The following TMEM132B variants were observed in gnomAD, a reference collection of about 807,000 sequenced individuals.
TMEM132B encodes transmembrane protein 132B.
In TMEM132B, 18 loss-of-function variants were observed where a neutral mutation model predicts 90.8. The observed-to-expected ratio is 0.20, with a 90% CI of 0.14 to 0.29. The LOEUF is 0.29. Ranked by LOEUF, TMEM132B falls within the 10% of genes least tolerant of loss-of-function variation. The pLI is 1.00. For synonymous variants in TMEM132B, 504 were observed against 523.3 expected (o/e 0.96, Z 0.50); for missense variants, 1,096 against 1,326.8 (o/e 0.83, Z 2.70).
chr12:125,317,996 C>T (rs1378582248), intron 1 of TMEM132B, among the ~76,000 whole-genome samples: 1 of 152,130 alleles, frequency 6.6e-6, no homozygotes, highest in East Asian at 1.9e-4. Context: ...TATTTCCATA[C>T]AATGGGATAC....
chr12:125,386,629 C>T (rs1593116891), intron 2 of TMEM132B, among the ~76,000 whole-genome samples: 1 of 152,154 alleles, frequency 6.6e-6, no homozygotes, highest in African/African-American at 2.4e-5. Context: ...AAGGAGTGAG[C>T]AGGCTGAATA....
chr12:125,278,477 CTT>C (rs35950577), intron 1 of TMEM132B, among the ~76,000 whole-genome samples: 6,281 of 141,466 alleles, frequency 0.044, 486 homozygotes, highest in African/African-American at 0.15. Context: ...GAATCTCCAT[CTT>C]TTTTTTTTTT....
chr12:125,576,272 A>C (rs1884938734), intron 4 of TMEM132B, among the ~76,000 whole-genome samples: 1 of 151,996 alleles, frequency 6.6e-6, no homozygotes, highest in Non-Finnish European at 1.5e-5. Flanking sequence ...AATTTCATTT[A>C]TGTATTGTTC....
chr12:125,245,737 C>T lies in TMEM132B; in HGVS notation c.67+58871C>T, dbSNP rs557480888. 3.9e-5 allele frequency among the ~76,000 whole-genome samples: 6 copies of T among 152,306 alleles called. No individual in the cohort carries two copies. In the South Asian group the frequency reaches 8.3e-4, roughly 21 times the overall value. Reference sequence around the variant, plus strand: ...AACAGGCCTGGCAGCATTGGTTCTTCTGCCAGGTGGGCAGATAGCCCAGGC... The same window carrying T: ...AACAGGCCTGGCAGCATTGGTTCTTTTGCCAGGTGGGCAGATAGCCCAGGC... On this transcript the variant is annotated intron_variant, in intron 1 of 8. Coordinates refer to ENST00000682704, the MANE Select transcript of TMEM132B (RefSeq NM_001366854.1).
intron 1 of TMEM132B, among the ~76,000 whole-genome samples, chr12:125,187,423 C>G (rs548336597): frequency 4.1e-4 from 63 of 152,338 alleles, no homozygotes; most frequent in African/African-American, 1.4e-3. Flanking sequence ...CCCACCCTCG[C>G]CAAATGGCCT....
chr12:125,295,558 G>A (rs1417926530), intron 1 of TMEM132B, among the ~76,000 whole-genome samples: 1 of 152,172 alleles, frequency 6.6e-6, no homozygotes, highest in African/African-American at 2.4e-5. Flanking sequence ...GACAGAGACA[G>A]AGACAGAGAC....
In TMEM132B at chr12:125,654,182, C is replaced by T. The variant is rs1476101635; in HGVS notation, c.2724C>T (p.Ala908=). ...CGGACTTGGAGATTGGCATGTATGCCTTGCTCTGCGTCTTCTGTCTGGCCA... is the reference window on the plus strand; with the variant it reads ...CGGACTTGGAGATTGGCATGTATGCTTTGCTCTGCGTCTTCTGTCTGGCCA... ...GLTDLEIGMY[A]LLCVFCLAIL... The change falls in exon 9 of 9, where the codon GCC becomes GCT. Residue 908 remains alanine, a synonymous_variant. Coordinates refer to ENST00000682704, the MANE Select transcript of TMEM132B (RefSeq NM_001366854.1). The surrounding 1 kb of genome is among the most constrained non-coding windows in gnomAD (Gnocchi z 5.8). The T allele has an allele frequency of 2.5e-6, 4 of 1,614,126 alleles. No homozygotes were observed. The highest frequency in any genetic ancestry group is 4.5e-5 in the East Asian group (2 of 44,880).
intron 2 of TMEM132B, among the ~76,000 whole-genome samples, chr12:125,386,139 C>T (rs888768367): frequency 2.0e-5 from 3 of 152,108 alleles, no homozygotes; most frequent in South Asian, 4.1e-4. Flanking sequence ...AGGTGCTCAC[C>T]ACCACTCCTG....
chr12:125,319,448 G>C (rs571993468), intron 1 of TMEM132B, among the ~76,000 whole-genome samples: 2 of 152,200 alleles, frequency 1.3e-5, no homozygotes, highest in African/African-American at 4.8e-5. Flanking sequence ...GGTTGGTTTT[G>C]AGCCACACTG....
chr12:125,592,762 T>C (rs1187231085), intron 5 of TMEM132B, among the ~76,000 whole-genome samples: 1 of 152,196 alleles, frequency 6.6e-6, no homozygotes. Flanking sequence ...TGTGGATGTG[T>C]GCTGAATGTG....
intron 1 of TMEM132B, among the ~76,000 whole-genome samples, chr12:125,236,503 C>T (rs1333840194): frequency 6.6e-6 from 1 of 152,178 alleles, no homozygotes; most frequent in Non-Finnish European, 1.5e-5. Context: ...GGGTAGACCA[C>T]ATTCTGCTTA....
intron 3 of TMEM132B, among the ~76,000 whole-genome samples, chr12:125,472,204 G>C (rs563551032): frequency 1.5e-4 from 23 of 152,304 alleles, no homozygotes; most frequent in African/African-American, 5.5e-4. Flanking sequence ...GAAACTCCAT[G>C]GTTTATATTC....
chr12:125,564,408 T>C (rs1228984370), intron 4 of TMEM132B, among the ~76,000 whole-genome samples: 2 of 152,208 alleles, frequency 1.3e-5, no homozygotes, highest in Non-Finnish European at 2.9e-5. Flanking sequence ...TGCTCCTTGC[T>C]TCCTCCTTTC....
intron 4 of TMEM132B, among the ~76,000 whole-genome samples, chr12:125,540,531 A>T (rs1482962560): frequency 6.6e-6 from 1 of 152,220 alleles, no homozygotes; most frequent in Admixed American, 6.5e-5. Flanking sequence ...TATTACATTG[A>T]TTAATTGAAC....
intron 3 of TMEM132B, among the ~76,000 whole-genome samples, chr12:125,434,206 G>A (rs1397838051): frequency 3.3e-5 from 5 of 152,072 alleles, no homozygotes; most frequent in African/African-American, 1.2e-4. Flanking sequence ...CTGCAGCCAC[G>A]GTCACGTCTC....
intron 6 of TMEM132B, among the ~76,000 whole-genome samples, chr12:125,649,264 C>G (rs1185956913): frequency 6.6e-6 from 1 of 152,162 alleles, no homozygotes; most frequent in Non-Finnish European, 1.5e-5. Flanking sequence ...GGAGCTGTAT[C>G]CAGACCTGCT....
At chr12:125,628,916 C>T (rs576850754) in intron 5 of TMEM132B, among the ~76,000 whole-genome samples, 12 of 152,210 alleles carry the variant, frequency 7.9e-5, no homozygotes, top group African/African-American at 2.9e-4. Context: ...GCTTTTTCCC[C>T]AGTGTATGTT....
At chr12:125,252,489 C>T (rs561136344) in intron 1 of TMEM132B, among the ~76,000 whole-genome samples, 105 of 152,240 alleles carry the variant, frequency 6.9e-4, no homozygotes, top group African/African-American at 2.5e-3. Context: ...AGGTGTCGTG[C>T]GCTGGTCCAA....
chr12:125,554,443 A>G (rs1884320333), intron 4 of TMEM132B, among the ~76,000 whole-genome samples: 1 of 150,904 alleles, frequency 6.6e-6, no homozygotes, highest in South Asian at 2.1e-4. Context: ...AAAAAAAAAA[A>G]AAAAAAAAAA....
Sources: gnomAD v4.1 joint callset for allele counts (sites outside exome capture counted in the v4.1 genomes callset) on GRCh38, gnomAD v4.1.1 for gene constraint, Gnocchi (gnomAD v3.1) non-coding constraint, MANE v1.5 for transcripts, NCBI Gene and HGNC (gene_info 2026-07-23, HGNC 2026-07-21) for gene names.